INPP5F: variants seen among roughly 807,000 people sequenced by gnomAD.
INPP5F encodes the protein phosphatidylinositide 4-phosphatase SAC2.
Under a neutral mutation model 137.2 loss-of-function variants are expected in INPP5F, and 97 were observed. The ratio of observed to expected loss-of-function variants is 0.71; its 90% CI spans 0.60 to 0.84. INPP5F has a LOEUF of 0.84. INPP5F is among the 40% of genes least tolerant of loss of function. The pLI is 0.00. For missense variants in INPP5F, 1,271 were observed against 1,371.9 expected (o/e 0.93, Z 1.16); for synonymous variants, 504 against 476.9 (o/e 1.06, Z -0.74).
intron 2 of INPP5F, among the ~76,000 whole-genome samples, chr10:119,759,782 G>C (rs1178295455): frequency 1.3e-5 from 2 of 152,220 alleles, no homozygotes; most frequent in Non-Finnish European, 2.9e-5. Context: ...AGTGGTGTGA[G>C]AGGATTACAT....
At chr10:119,735,273 A>G (rs1848187213) in intron 1 of INPP5F, among the ~76,000 whole-genome samples, 1 of 151,978 alleles carries the variant, frequency 6.6e-6, no homozygotes, top group Non-Finnish European at 1.5e-5. Flanking sequence ...TTTTTCTTTT[A>G]AGTTATTTTA....
chr10:119,733,006 A>G (rs1195033495), intron 1 of INPP5F, among the ~76,000 whole-genome samples: 1 of 152,090 alleles, frequency 6.6e-6, no homozygotes, highest in East Asian at 1.9e-4. Context: ...CCAGTGTTTG[A>G]CTCTAAAACC....
chr10:119,822,430 G>A lies in INPP5F; in HGVS notation c.1959-1G>A. On this transcript the variant is annotated splice_acceptor_variant, in intron 16 of 19. Coordinates refer to ENST00000650623, the MANE Select transcript of INPP5F (RefSeq NM_014937.4). LOFTEE classifies it high-confidence loss of function. ...TTTTAACTTCATTTCCTTTTATCTA[G>A]TTATGATGATGAAGTTGATAAAGTA... is the stretch of plus-strand genomic sequence containing the variant. 6.8e-7 allele frequency: 1 copy of A among 1,478,576 alleles called. No homozygotes were observed. Among genetic ancestry groups the A allele is most frequent in the Non-Finnish European group, 9.3e-7 (1 of 1,079,028 alleles). 91.6% of individuals were successfully genotyped at this position (1,478,576 alleles called of 1,614,324 possible).
At position 119,781,637 on chromosome 10, in the gene INPP5F, C is replaced by T. The variant is rs1289279126; in HGVS notation, c.181C>T (p.Leu61Phe). ...VIGKIQLHSD[L>F]PWWLILIRQK... ...TTATTATGACTCTCCTCTTTCAGAT[C>T]TTCCATGGTGGCTTATTCTAATTCG... Residue 61 changes from leucine (L) to phenylalanine (F), a missense_variant and splice_region_variant, in exon 3 of 20, where the codon CTT becomes TTT. Transcript: ENST00000650623. 6.2e-7 allele frequency: 1 copy of T among 1,605,436 alleles called. No individual in the cohort carries two copies. The highest frequency in any genetic ancestry group is 2.2e-5 in the East Asian group (1 of 44,708).
chr10:119,791,622 G>A lies in INPP5F; in HGVS notation c.421G>A (p.Val141Met), dbSNP rs1317358969. 3.1e-6 allele frequency: 5 copies of A among 1,604,594 alleles called. No homozygotes were observed. The highest frequency in any genetic ancestry group is 4.3e-6 in the Non-Finnish European group (5 of 1,172,284). Reference sequence around the variant, plus strand: ...GACCTTTACGCATATTAAATCCAATGTGTCTGCTCCTAATAAAAAGAAAGT... The same window carrying A: ...GACCTTTACGCATATTAAATCCAATATGTCTGCTCCTAATAAAAAGAAAGT... The part of the protein sequence containing the change: ...LKTFTHIKSN[V>M]SAPNKKKVKE... Residue 141 changes from valine (V) to methionine (M), a missense_variant, in exon 4 of 20, where the codon GTG (valine) becomes ATG (methionine). Val to Met is a conservative substitution (Grantham distance 21). Around this residue, in one of 6 missense-constraint regions of INPP5F, gnomAD observed 62 missense variants for 55.0 expected, o/e 1.13. Coordinates refer to ENST00000650623, the MANE Select transcript of INPP5F (RefSeq NM_014937.4).
chr10:119,810,527 A>G (rs1025547367), intron 14 of INPP5F, among the ~76,000 whole-genome samples: 2 of 152,208 alleles, frequency 1.3e-5, no homozygotes, highest in Admixed American at 1.3e-4. Context: ...AACAATTAAA[A>G]ACTTCATATT....
intron 2 of INPP5F, among the ~76,000 whole-genome samples, chr10:119,765,745 G>C (rs1343126050): frequency 8.9e-5 from 5 of 56,102 alleles, no homozygotes; most frequent in East Asian, 4.9e-4. Flanking sequence ...GGTAAACTGT[G>C]TGTGTGTGTG....
At chr10:119,810,253 T>C (rs770079636) in intron 14 of INPP5F, 36 bp downstream of exon 14, 3 of 1,131,740 alleles carry the variant, frequency 2.7e-6, no homozygotes, top group Non-Finnish European at 4.0e-6. Context: ...CCTCAAAATT[T>C]ATGTCTTCTG....
At position 119,726,276 on chromosome 10, in the gene INPP5F, A is replaced by G. The variant is rs1028755194; in HGVS notation, c.14A>G (p.Gln5Arg). Residue 5 changes from glutamine (Q) to arginine (R), a missense_variant, in exon 1 of 20, where the codon CAA becomes CGA. By Grantham distance (43) the Gln-to-Arg change is conservative (BLOSUM62 1). Coordinates refer to ENST00000650623, the MANE Select transcript of INPP5F (RefSeq NM_014937.4). MELF[Q>R]AKDHYILQQG... The stretch of plus-strand genomic sequence containing the variant: ...CGCGGGGCCAGCATGGAGCTCTTCC[A>G]AGCCAAGGACCACTACATCCTGCAG... 99 of 1,486,200 alleles carry G rather than the reference A, an allele frequency of 6.7e-5. No homozygotes were observed. Among genetic ancestry groups the G allele is most frequent in the Non-Finnish European group, 8.8e-5 (98 of 1,117,920 alleles). The allele number at this position is 1,486,200 out of a possible 1,614,324, so 92.1% of individuals were successfully genotyped here. A position where few individuals can be genotyped will look rare whatever the true frequency, so the allele number is the denominator to read the frequency against.
chr10:119,819,580 T>C (rs770378003), intron 15 of INPP5F: 9 of 1,519,512 alleles, frequency 5.9e-6, no homozygotes, highest in Middle Eastern at 1.7e-4. Context: ...TACAGTGTTA[T>C]TTGGTATTAT....
chr10:119,810,034 C>A, intron 13 of INPP5F, 66 bp from the exon 14 acceptor site: 2 of 880,944 alleles, frequency 2.3e-6, no homozygotes, highest in East Asian at 2.4e-5. Flanking sequence ...AACTGAAAGC[C>A]CACAATTTAT....
chr10:119,736,818 A>G (rs1414617139), intron 1 of INPP5F, among the ~76,000 whole-genome samples: 1 of 152,164 alleles, frequency 6.6e-6, no homozygotes, highest in Non-Finnish European at 1.5e-5. Context: ...TCCCTTTTTA[A>G]ATAAAAATGT....
intron 1 of INPP5F, among the ~76,000 whole-genome samples, chr10:119,733,477 G>T (rs196222): frequency 6.6e-6 from 1 of 152,228 alleles, no homozygotes; most frequent in Admixed American, 6.5e-5. Flanking sequence ...TCCTCCAGTG[G>T]TGAGCAACCT....
Position 119,738,153 on chromosome 10 carries a change from C to G in INPP5F, c.97+11794C>G, listed in dbSNP as rs1589663731. On this transcript the variant is annotated intron_variant, in intron 1 of 19. Coordinates refer to ENST00000650623, the MANE Select transcript of INPP5F (RefSeq NM_014937.4). ...GAGTGAAAATGTTGACCTGATGGGT[C>G]AAACAATTGAGCTTATTGCAAATAC... Among the ~76,000 whole-genome samples, 4 of 152,078 alleles carry G rather than the reference C, an allele frequency of 2.6e-5. No homozygotes were observed. In the East Asian group the frequency reaches 7.7e-4, roughly 29 times the overall value.
At chr10:119,802,806 A>T (rs1156339288) in intron 9 of INPP5F, among the ~76,000 whole-genome samples, 1 of 152,192 alleles carries the variant, frequency 6.6e-6, no homozygotes, top group African/African-American at 2.4e-5. Flanking sequence ...AGGTTTTTTA[A>T]AAAAAATTGT....
intron 15 of INPP5F, chr10:119,818,821 C>G (rs1452988626): frequency 6.6e-6 from 1 of 152,304 alleles, no homozygotes; most frequent in Non-Finnish European, 1.5e-5. Flanking sequence ...CGATGCCGCG[C>G]TCTCACAGGC....
At chr10:119,785,134 T>C (rs1849837547) in intron 3 of INPP5F, among the ~76,000 whole-genome samples, 1 of 152,096 alleles carries the variant, frequency 6.6e-6, no homozygotes. Context: ...TGTTTCCACC[T>C]TTTAGCTATT....
chr10:119,783,628 A>C (rs1185400933), intron 3 of INPP5F, among the ~76,000 whole-genome samples: 2 of 152,232 alleles, frequency 1.3e-5, no homozygotes, highest in African/African-American at 4.8e-5. Flanking sequence ...GGCTTTAGGA[A>C]CTAACATTTA....
chr10:119,806,475 C>T lies in INPP5F; in HGVS notation c.1435C>T (p.Gln479Ter). ...QAAIARVVME[Q>*]QLKKLGVMPP... is the part of the protein sequence containing the mutation. ...TGCCATCGCGAGAGTGGTCATGGAA[C>T]AGCAGGTAATTTGGAGTCTGTTGGA... Residue 479 changes from glutamine (Q) to a stop codon, truncating the protein, a stop_gained, in exon 12 of 20, where the codon CAG (glutamine) becomes TAG (stop). Coordinates refer to ENST00000650623, the MANE Select transcript of INPP5F (RefSeq NM_014937.4). LOFTEE classifies it high-confidence loss of function. 6.3e-7 allele frequency: 1 copy of T among 1,597,286 alleles called. No individual in the cohort carries two copies. Among genetic ancestry groups the T allele is most frequent in the Non-Finnish European group, 8.5e-7 (1 of 1,173,930 alleles).
Sources: gnomAD v4.1 joint callset for allele counts (sites outside exome capture counted in the v4.1 genomes callset) on GRCh38, gnomAD v4.1.1 for gene constraint, gnomAD v4.1.1 regional missense constraint, MANE v1.5 for transcripts, NCBI Gene and HGNC (gene_info 2026-07-23, HGNC 2026-07-21) for gene names.